Variants in CNTN6 observed in about 807,000 individuals in gnomAD.
CNTN6 encodes the protein contactin-6.
A neutral mutation model predicts 122.8 loss-of-function variants in CNTN6; 137 were observed. The ratio of observed to expected loss-of-function variants is 1.12; its 90% confidence interval spans 0.97 to 1.29. The LOEUF is 1.29. Among genes scored for constraint, CNTN6 ranks in the 50% most tolerant of loss-of-function variants. The pLI, the probability that CNTN6 is intolerant of heterozygous loss-of-function variation, is 0.00. For missense variants in CNTN6, 1,634 were observed against 1,223.4 expected (o/e 1.34, Z -5.01); for synonymous variants, 570 against 426.0 (o/e 1.34, Z -4.16).
chr3:1,204,763 G>A (rs566641786), intron 2 of CNTN6, among the ~76,000 whole-genome samples: 3 of 151,944 alleles, frequency 2.0e-5, no homozygotes, highest in Admixed American at 1.3e-4. Flanking sequence ...TGTTTTTCAC[G>A]GTTACTCTCT....
At chr3:1,140,557 A>G (rs529925261) in intron 1 of CNTN6, among the ~76,000 whole-genome samples, 2 of 152,296 alleles carry the variant, frequency 1.3e-5, no homozygotes, top group Non-Finnish European at 2.9e-5. Context: ...CAATTGTGAA[A>G]TTCACTGAAA....
At position 1,278,752 on chromosome 3, in the gene CNTN6, A is replaced by T. The variant is rs538572954; in HGVS notation, c.454+244A>T. On this transcript the variant is annotated intron_variant, in intron 5 of 22. Transcript: ENST00000446702. ...ACATCATGGCATTGTACGTAGTGTG[A>T]GTGCCAGGGCTTTTTAGAGAAACTG... 1.2e-4 allele frequency among the ~76,000 whole-genome samples: 19 copies of T among 152,338 alleles called. No homozygotes were observed. The South Asian group carries it at 3.7e-3, about 30-fold the overall frequency.
chr3:1,269,053 ATC>A (rs2125744323), intron 4 of CNTN6, among the ~76,000 whole-genome samples: 1 of 152,298 alleles, frequency 6.6e-6, no homozygotes, highest in South Asian at 2.1e-4. Context: ...CCCTCGTATC[ATC>A]AGTAATGTGA....
intron 17 of CNTN6, among the ~76,000 whole-genome samples, chr3:1,380,531 A>C (rs927256843): frequency 1.3e-5 from 2 of 152,166 alleles, no homozygotes; most frequent in Non-Finnish European, 2.9e-5. Context: ...ATATTACTAT[A>C]AAATTAGGTA....
chr3:1,325,102 C>T (rs1000856179), intron 8 of CNTN6, among the ~76,000 whole-genome samples: 2 of 151,772 alleles, frequency 1.3e-5, no homozygotes, highest in African/African-American at 4.8e-5. Flanking sequence ...CCGCCTGTTT[C>T]CATGAATGAT....
chr3:1,162,371 A>G (rs1247853643), intron 2 of CNTN6, among the ~76,000 whole-genome samples: 1 of 151,978 alleles, frequency 6.6e-6, no homozygotes, highest in African/African-American at 2.4e-5. Flanking sequence ...CAAAAGTGCT[A>G]CATTTGGGGT....
At chr3:1,353,696 G>A (rs1463890242) in intron 12 of CNTN6, among the ~76,000 whole-genome samples, 1 of 151,556 alleles carries the variant, frequency 6.6e-6, no homozygotes, top group Admixed American at 6.6e-5. Flanking sequence ...AAAGTAACAA[G>A]TTCATTAACG....
chr3:1,310,825 A>T (rs1223560996), intron 7 of CNTN6, among the ~76,000 whole-genome samples: 1 of 152,128 alleles, frequency 6.6e-6, no homozygotes, highest in African/African-American at 2.4e-5. Flanking sequence ...AATATGGAGA[A>T]ACCCCATCTC....
At chr3:1,224,624 C>A (rs563215240) in intron 3 of CNTN6, among the ~76,000 whole-genome samples, 1 of 152,122 alleles carries the variant, frequency 6.6e-6, no homozygotes, top group East Asian at 1.9e-4. Context: ...CCATGTAATT[C>A]TAAAGCACAG....
At chr3:1,182,129 C>T (rs565356877) in intron 2 of CNTN6, among the ~76,000 whole-genome samples, 70 of 152,068 alleles carry the variant, frequency 4.6e-4, no homozygotes, top group African/African-American at 1.6e-3. Flanking sequence ...CTAATATTTT[C>T]TTAACTATTT....
chr3:1,335,217 T>C (rs1033108947), intron 11 of CNTN6, among the ~76,000 whole-genome samples: 10 of 152,186 alleles, frequency 6.6e-5, no homozygotes, highest in Admixed American at 1.3e-4. Flanking sequence ...TCAGATTTTA[T>C]GTCCGGAATG....
chr3:1,173,458 T>C, intron 2 of CNTN6: 1 of 351,928 alleles, frequency 2.8e-6, no homozygotes, highest in East Asian at 7.4e-5. Context: ...TATTATAATC[T>C]CCATTTAGAT....
intron 11 of CNTN6, among the ~76,000 whole-genome samples, chr3:1,342,705 A>C (rs1432371483): frequency 6.6e-6 from 1 of 152,160 alleles, no homozygotes; most frequent in Non-Finnish European, 1.5e-5. Context: ...AATATTTAGG[A>C]ACCACCAAAC....
At chr3:1,094,638 A>G (rs2090424606) in intron 1 of CNTN6, among the ~76,000 whole-genome samples, 1 of 152,100 alleles carries the variant, frequency 6.6e-6, no homozygotes, top group Non-Finnish European at 1.5e-5. Context: ...CTTAATGAAA[A>G]CAAATTCACT....
chr3:1,376,977 A>G (rs1009242959), intron 16 of CNTN6, 28 bp from the exon 17 acceptor site: 1 of 1,485,386 alleles, frequency 6.7e-7, no homozygotes, highest in Non-Finnish European at 9.2e-7. Flanking sequence ...AATAATTGCC[A>G]TCCCACATTT....
intron 1 of CNTN6, among the ~76,000 whole-genome samples, chr3:1,102,591 T>A (rs578187675): frequency 1.4e-5 from 2 of 144,380 alleles, no homozygotes; most frequent in South Asian, 2.2e-4. Context: ...GAGCCGGGCG[T>A]GGTGGCGGCG....
chr3:1,221,717 T>A (rs2094210067), intron 3 of CNTN6, among the ~76,000 whole-genome samples: 1 of 152,208 alleles, frequency 6.6e-6, no homozygotes, highest in African/African-American at 2.4e-5. Flanking sequence ...CATACGTAAA[T>A]ATTCATAGGT....
chr3:1,158,212 G>T (rs2093020962), intron 2 of CNTN6, among the ~76,000 whole-genome samples: 2 of 152,124 alleles, frequency 1.3e-5, no homozygotes, highest in African/African-American at 2.4e-5. Flanking sequence ...CAGTCTTTTG[G>T]ATATAAGCCA....
chr3:1,285,145 C>A (rs1220772634), intron 5 of CNTN6, among the ~76,000 whole-genome samples: 1 of 152,054 alleles, frequency 6.6e-6, no homozygotes, highest in Non-Finnish European at 1.5e-5. Flanking sequence ...TGACTTGGAC[C>A]AGGTGGATTG....
Sources: allele counts gnomAD v4.1 joint callset (sites outside exome capture counted in the v4.1 genomes callset), GRCh38; gene constraint gnomAD v4.1.1; transcripts MANE v1.5; gene names NCBI Gene and HGNC (gene_info 2026-07-23, HGNC 2026-07-21).